The following GABRB1 variants were observed in gnomAD, a reference collection of about 807,000 sequenced individuals.
GABRB1 encodes the protein gamma-aminobutyric acid type A receptor subunit beta1.
GABRB1 carries 17 observed loss-of-function variants against 51.6 expected under a neutral mutation model. The ratio of observed to expected loss-of-function variants is 0.33; its 90% confidence interval spans 0.23 to 0.49. GABRB1 has a LOEUF of 0.49. Ranked by LOEUF, GABRB1 falls within the 20% of genes least tolerant of loss-of-function variation. GABRB1 has a pLI of 0.99. For synonymous variants in GABRB1, 247 were observed against 218.9 expected (o/e 1.13, Z -1.14); for missense variants, 410 against 600.6 (o/e 0.68, Z 3.32).
intron 5 of GABRB1, among the ~76,000 whole-genome samples, chr4:47,397,193 A>C (rs1430385828): frequency 6.6e-6 from 1 of 152,182 alleles, no homozygotes; most frequent in Non-Finnish European, 1.5e-5. Context: ...TAGAGTTAGA[A>C]AGGCCTCATC....
intron 3 of GABRB1, among the ~76,000 whole-genome samples, chr4:47,079,305 A>C (rs1183871667): frequency 6.6e-6 from 1 of 152,144 alleles, no homozygotes; most frequent in Non-Finnish European, 1.5e-5. Context: ...TTATTGGTCT[A>C]TTCAGAGATT....
chr4:47,282,288 C>T (rs924958462), intron 4 of GABRB1, among the ~76,000 whole-genome samples: 4 of 152,166 alleles, frequency 2.6e-5, no homozygotes, highest in African/African-American at 9.7e-5. Context: ...CTCTCACAGC[C>T]CATCTACCAA....
chr4:47,224,673 A>C (rs907135982), intron 4 of GABRB1, among the ~76,000 whole-genome samples: 1 of 152,254 alleles, frequency 6.6e-6, no homozygotes, highest in African/African-American at 2.4e-5. Context: ...GCCAGGACAG[A>C]CATGGAAGGC....
chr4:47,419,944 T>C (rs1729044878), intron 8 of GABRB1, among the ~76,000 whole-genome samples: 1 of 152,186 alleles, frequency 6.6e-6, no homozygotes, highest in Non-Finnish European at 1.5e-5. Flanking sequence ...CGTTTCTCGA[T>C]TGGCCCTCCT....
intron 3 of GABRB1, among the ~76,000 whole-genome samples, chr4:47,106,444 T>C (rs1714975607): frequency 6.6e-6 from 1 of 152,102 alleles, no homozygotes; most frequent in South Asian, 2.1e-4. Context: ...AAAAAATCTA[T>C]ATTAAGTTTA....
At position 47,019,625 on chromosome 4, in the gene GABRB1, C is replaced by CTCTTTCTTTCTTTCTTTCTTTCTT. The variant is rs1157555893; in HGVS notation, c.-19-12258_-19-12235dup. ...TCCTCCCTTCTTTCTTTCTTTCTCTCTCTTTCTTTCTTTCTTTCTTTCTTT... is the reference window on the plus strand; with the variant it reads ...TCCTCCCTTCTTTCTTTCTTTCTCTCTCTTTCTTTCTTTCTTTCTTTCTTTCTTTCTTTCTTTCTTTCTTTCTTT... On this transcript the variant is annotated intron_variant, in intron 1 of 3. Coordinates refer to the GABRB1 transcript ENST00000513567. Among the ~76,000 whole-genome samples, 135 of 91,102 alleles carry CTCTTTCTTTCTTTCTTTCTTTCTT rather than the reference C, an allele frequency of 1.5e-3. 1 individual carries two copies. The highest frequency in any genetic ancestry group is 8.5e-3 in the Admixed American group (64 of 7,498). The allele number at this position is 91,102 out of a possible 152,430, so 59.8% of individuals were successfully genotyped here.
At chr4:47,323,830 G>A (rs1227354501) in intron 5 of GABRB1, among the ~76,000 whole-genome samples, 1 of 152,144 alleles carries the variant, frequency 6.6e-6, no homozygotes, top group Non-Finnish European at 1.5e-5. Flanking sequence ...AAGCCATAAA[G>A]GCTTGTTAAA....
At chr4:47,025,117 A>T (rs958348963) in intron 1 of GABRB1, among the ~76,000 whole-genome samples, 1 of 150,634 alleles carries the variant, frequency 6.6e-6, no homozygotes, top group African/African-American at 2.4e-5. Flanking sequence ...ATATATATGT[A>T]TCTCACAATT....
At chr4:47,425,650 C>T (rs1381092730) in intron 8 of GABRB1, 24 bp from the exon 9 acceptor site, 4 of 1,552,906 alleles carry the variant, frequency 2.6e-6, no homozygotes, top group East Asian at 2.3e-5. Context: ...AACTTGTGTC[C>T]GAGCCTGTTC....
chr4:47,039,774 G>A (rs1419741753), intron 3 of GABRB1, among the ~76,000 whole-genome samples: 2 of 152,170 alleles, frequency 1.3e-5, no homozygotes, highest in African/African-American at 2.4e-5. Context: ...CCTGAAAACA[G>A]CATGAAGTGT....
intron 4 of GABRB1, among the ~76,000 whole-genome samples, chr4:47,180,945 C>T (rs993071733): frequency 1.3e-5 from 2 of 151,908 alleles, no homozygotes; most frequent in African/African-American, 4.8e-5. Flanking sequence ...AGAATGTTCT[C>T]TCTATTATTG....
intron 8 of GABRB1, among the ~76,000 whole-genome samples, chr4:47,414,231 G>A (rs549843283): frequency 2.0e-5 from 3 of 152,292 alleles, no homozygotes; most frequent in African/African-American, 4.8e-5. Flanking sequence ...CCAAGGTTGA[G>A]GATGAGTGCC....
chr4:47,246,356 A>G (rs1464639467), intron 4 of GABRB1, among the ~76,000 whole-genome samples: 1 of 23,750 alleles, frequency 4.2e-5, no homozygotes, highest in African/African-American at 3.0e-4. Flanking sequence ...ATATATATAT[A>G]TATATATATA....
At chr4:47,333,261 G>C (rs560045765) in intron 5 of GABRB1, among the ~76,000 whole-genome samples, 2 of 142,634 alleles carry the variant, frequency 1.4e-5, no homozygotes, top group East Asian at 4.1e-4. Flanking sequence ...ATATGAATGT[G>C]ACCAATAAAC....
At chr4:47,263,920 G>A (rs1428094377) in intron 4 of GABRB1, among the ~76,000 whole-genome samples, 2 of 151,956 alleles carry the variant, frequency 1.3e-5, no homozygotes, top group African/African-American at 4.8e-5. Context: ...GCCAAGGCCA[G>A]TGGATTATTT....
chr4:47,015,719 G>A (rs1259583988), intron 1 of GABRB1, among the ~76,000 whole-genome samples: 1 of 152,196 alleles, frequency 6.6e-6, no homozygotes, highest in Non-Finnish European at 1.5e-5. Flanking sequence ...CAACGGGCAA[G>A]CATGAGCCTG....
intron 3 of GABRB1, among the ~76,000 whole-genome samples, chr4:47,103,656 T>C (rs1035115703): frequency 2.0e-4 from 31 of 152,104 alleles, no homozygotes; most frequent in South Asian, 6.2e-4. Context: ...AACTAATCAA[T>C]GCCTAAGATA....
intron 5 of GABRB1, among the ~76,000 whole-genome samples, chr4:47,385,758 T>C (rs539931980): frequency 3.3e-5 from 5 of 152,288 alleles, no homozygotes; most frequent in South Asian, 2.1e-4. Context: ...TCACAAGCAT[T>C]GGGTTCCCGG....
rs111399669 is a variant in GABRB1 at position 47,284,030 on chromosome 4, G to A, written c.462-36097G>A. Among the ~76,000 whole-genome samples the A allele has an allele frequency of 2.1e-3, 310 of 150,756 alleles. 2 individuals are homozygous for A. Among genetic ancestry groups the A allele is most frequent in the African/African-American group, 7.0e-3 (288 of 40,988 alleles). On this transcript the variant is annotated intron_variant, in intron 4 of 8. Coordinates refer to ENST00000295454, the MANE Select transcript of GABRB1 (RefSeq NM_000812.4). ...GGAGAATGGCGTGAACCCGGGAGGC[G>A]GAGCTTGCAGTGAGCCGGGTCAGCG...
Sources: gnomAD v4.1 joint callset for allele counts (sites outside exome capture counted in the v4.1 genomes callset) on GRCh38, gnomAD v4.1.1 for gene constraint, MANE v1.5 for transcripts, NCBI Gene and HGNC (gene_info 2026-07-23, HGNC 2026-07-21) for gene names.